The following ELOVL5 variants were observed in gnomAD, a reference collection of about 807,000 sequenced individuals.
ELOVL5 encodes the protein very long chain fatty acid elongase 5.
In ELOVL5, 8 loss-of-function variants were observed where a neutral mutation model predicts 38.6. The ratio of observed to expected loss-of-function variants is 0.21; its 90% CI spans 0.12 to 0.37. The LOEUF is 0.37. Ranked by LOEUF, ELOVL5 falls within the 10% of genes least tolerant of loss-of-function variation. The pLI, the probability that ELOVL5 is intolerant of heterozygous loss-of-function variation, is 1.00. For synonymous variants in ELOVL5, 127 were observed against 133.7 expected (o/e 0.95, Z 0.34); for missense variants, 280 against 367.8 (o/e 0.76, Z 1.95).
chr6:53,337,860 T>C (rs980728182), intron 1 of ELOVL5, among the ~76,000 whole-genome samples: 1 of 151,838 alleles, frequency 6.6e-6, no homozygotes, highest in Non-Finnish European at 1.5e-5. Flanking sequence ...GGACAGAGAG[T>C]ATGAATGAGT....
Position 53,291,787 on chromosome 6 carries a change from T to A in ELOVL5, c.235A>T (p.Met79Leu), listed in dbSNP as rs1766783949. Residue 79 changes from methionine (M) to leucine (L), a missense_variant, in exon 3 of 8, where the codon ATG (methionine) becomes TTG (leucine). This residue lies in a region of ELOVL5 where 150 missense variants were observed against 178.0 expected (regional missense o/e 0.84). Transcript: ENST00000304434. ...AACCTTTGACTTACCTCACAGAACATATACAGAGACAGCAGTGTGAGTCCA... is the reference window on the plus strand; with the variant it reads ...AACCTTTGACTTACCTCACAGAACAAATACAGAGACAGCAGTGTGAGTCCA... Reference protein sequence around the residue: ...NLGLTLLSLYMFCELVTGVWE... With the variant: ...NLGLTLLSLYLFCELVTGVWE... 6.2e-7 allele frequency: 1 copy of A among 1,612,036 alleles called. No homozygotes were observed. Among genetic ancestry groups the A allele is most frequent in the Non-Finnish European group, 8.5e-7 (1 of 1,179,126 alleles).
At chr6:53,283,802 A>G (rs945991194) in intron 3 of ELOVL5, among the ~76,000 whole-genome samples, 1 of 152,230 alleles carries the variant, frequency 6.6e-6, no homozygotes, top group Non-Finnish European at 1.5e-5. Context: ...CTGAGGAAAA[A>G]TAACTGTTAA....
chr6:53,339,263 T>C (rs951032331), intron 1 of ELOVL5, among the ~76,000 whole-genome samples: 2 of 152,186 alleles, frequency 1.3e-5, no homozygotes, highest in Non-Finnish European at 2.9e-5. Flanking sequence ...TGTGAATATA[T>C]AAGCCACCCC....
chr6:53,310,480 C>T (rs1030900548), intron 1 of ELOVL5, among the ~76,000 whole-genome samples: 5 of 152,130 alleles, frequency 3.3e-5, no homozygotes, highest in Non-Finnish European at 7.4e-5. Flanking sequence ...AAAAAATTTT[C>T]GGGCACACTG....
At chr6:53,325,132 A>G (rs7759007) in intron 1 of ELOVL5, among the ~76,000 whole-genome samples, 55,272 of 152,010 alleles carry the variant, frequency 0.36, 11,160 homozygotes, top group African/African-American at 0.55. Flanking sequence ...CTATCCTACT[A>G]ATAAGTTTTC....
chr6:53,286,626 A>C (rs912706976), intron 3 of ELOVL5, among the ~76,000 whole-genome samples: 4 of 152,208 alleles, frequency 2.6e-5, no homozygotes, highest in Admixed American at 1.3e-4. Flanking sequence ...AAACACTTAT[A>C]AAATGGTGTA....
At chr6:53,334,466 C>T (rs1014790181) in intron 1 of ELOVL5, among the ~76,000 whole-genome samples, 1 of 152,090 alleles carries the variant, frequency 6.6e-6, no homozygotes, top group Non-Finnish European at 1.5e-5. Flanking sequence ...TATTAAATCT[C>T]TGTGGTTGCA....
At chr6:53,294,954 C>T (rs1766932869) in intron 2 of ELOVL5, among the ~76,000 whole-genome samples, 3 of 152,200 alleles carry the variant, frequency 2.0e-5, no homozygotes, top group Admixed American at 6.5e-5. Context: ...CACGCCTTCA[C>T]TATTATCACT....
At chr6:53,306,865 C>A (rs1485611042) in intron 1 of ELOVL5, among the ~76,000 whole-genome samples, 1 of 152,242 alleles carries the variant, frequency 6.6e-6, no homozygotes, top group East Asian at 1.9e-4. Flanking sequence ...ACACAGAATG[C>A]TCCTTGCTGG....
At chr6:53,298,551 A>C (rs1767112524) in intron 1 of ELOVL5, among the ~76,000 whole-genome samples, 2 of 152,172 alleles carry the variant, frequency 1.3e-5, no homozygotes, top group African/African-American at 2.4e-5. Context: ...AAAAGACCAA[A>C]GTAACTGCCT....
intron 1 of ELOVL5, among the ~76,000 whole-genome samples, chr6:53,300,842 G>C (rs1767220856): frequency 6.6e-6 from 1 of 152,164 alleles, no homozygotes; most frequent in Admixed American, 6.5e-5. Flanking sequence ...AACAGAAGAG[G>C]GTGCCAATCC....
chr6:53,292,706 G>A (rs555272796), intron 2 of ELOVL5, among the ~76,000 whole-genome samples: 33 of 152,304 alleles, frequency 2.2e-4, no homozygotes, highest in African/African-American at 7.9e-4. Context: ...TGGGAGAATC[G>A]CTTGAAATTG....
intron 1 of ELOVL5, among the ~76,000 whole-genome samples, chr6:53,343,313 A>G (rs1769406134): frequency 2.0e-5 from 3 of 152,060 alleles, no homozygotes; most frequent in Admixed American, 1.3e-4. Context: ...CCTGGACTGA[A>G]GTCATCCTCC....
At chr6:53,287,762 A>G in intron 3 of ELOVL5, 1 of 1,048,872 alleles carries the variant, frequency 9.5e-7, no homozygotes, top group Non-Finnish European at 1.4e-6. Flanking sequence ...AGATCGGCTA[A>G]GAAAGGCCGG....
intron 1 of ELOVL5, among the ~76,000 whole-genome samples, chr6:53,298,447 A>T (rs1767107818): frequency 6.6e-6 from 1 of 152,222 alleles, no homozygotes; most frequent in Non-Finnish European, 1.5e-5. Context: ...CTTTTGCTAG[A>T]TTATAAGAAA....
intron 3 of ELOVL5, among the ~76,000 whole-genome samples, chr6:53,281,878 G>GT (rs1293937543): frequency 6.6e-6 from 1 of 150,546 alleles, no homozygotes; most frequent in South Asian, 2.1e-4. Context: ...ATAGCTGAAC[G>GT]TAACACTCTT....
intron 1 of ELOVL5, among the ~76,000 whole-genome samples, chr6:53,310,105 A>G (rs1444458945): frequency 6.6e-6 from 1 of 152,246 alleles, no homozygotes; most frequent in Non-Finnish European, 1.5e-5. Flanking sequence ...CCTTTTGGTT[A>G]CCACACATAA....
rs1765826188 is a variant in ELOVL5, at chr6:53,268,969, A to AC, written c.*157dup. ...TTATCCCTACTTATATAATCTGTAT[A>AC]CGTTTTCTAGGGGTTTTGAATTGAT... On this transcript the variant is annotated 3_prime_UTR_variant, in exon 8 of 8. Coordinates refer to ENST00000304434, the MANE Select transcript of ELOVL5 (RefSeq NM_021814.5). The AC allele has an allele frequency of 2.5e-6, 2 of 785,094 alleles. No individual in the cohort carries two copies. Among genetic ancestry groups the AC allele is most frequent in the African/African-American group, 3.5e-5 (2 of 57,724 alleles). The allele number at this position is 785,094 out of a possible 1,614,324, so 48.6% of individuals were successfully genotyped here.
intron 1 of ELOVL5, among the ~76,000 whole-genome samples, chr6:53,311,588 G>A (rs1767834387): frequency 6.6e-6 from 1 of 152,016 alleles, no homozygotes; most frequent in Non-Finnish European, 1.5e-5. Flanking sequence ...CCCAAAAGTC[G>A]ATCAACTGAT....
Sources: allele counts gnomAD v4.1 joint callset (sites outside exome capture counted in the v4.1 genomes callset), GRCh38; gene constraint gnomAD v4.1.1; regional missense constraint gnomAD v4.1.1; transcripts MANE v1.5; gene names NCBI Gene and HGNC (gene_info 2026-07-23, HGNC 2026-07-21).